Variants in NELL2 observed in about 807,000 individuals in gnomAD.
NELL2 encodes the protein protein kinase C-binding protein NELL2.
NELL2 carries 41 observed loss-of-function variants against 109.6 expected under a neutral mutation model. The observed-to-expected ratio is 0.37, with a 90% CI of 0.29 to 0.49. The LOEUF (loss-of-function observed/expected upper bound fraction) is 0.49, where lower values mean the gene tolerates loss of function less well. Ranked by LOEUF, NELL2 falls within the 20% of genes least tolerant of loss-of-function variation. The pLI is 0.98. For missense variants in NELL2, 900 were observed against 1,008.3 expected (o/e 0.89, Z 1.45); for synonymous variants, 355 against 344.7 (o/e 1.03, Z -0.33).
intron 12 of NELL2, among the ~76,000 whole-genome samples, chr12:44,693,730 T>C (rs1382706505): frequency 6.6e-6 from 1 of 152,204 alleles, no homozygotes; most frequent in East Asian, 1.9e-4. Flanking sequence ...TGAGCCCAGA[T>C]GAATAGCTAA....
chr12:44,721,239 C>G (rs1044864410), intron 9 of NELL2, among the ~76,000 whole-genome samples: 2 of 152,184 alleles, frequency 1.3e-5, no homozygotes, highest in African/African-American at 4.8e-5. Context: ...TTTTCTGTCA[C>G]TAGTCTTGTT....
At chr12:44,768,201 G>A (rs1426484645) in intron 9 of NELL2, among the ~76,000 whole-genome samples, 1 of 152,014 alleles carries the variant, frequency 6.6e-6, no homozygotes, top group Non-Finnish European at 1.5e-5. Flanking sequence ...AGGCTGCATT[G>A]TTAATTATTC....
intron 13 of NELL2, among the ~76,000 whole-genome samples, chr12:44,620,671 T>A (rs1946024453): frequency 6.6e-6 from 1 of 151,946 alleles, no homozygotes; most frequent in African/African-American, 2.4e-5. Flanking sequence ...CACCATAGAC[T>A]CCTCCCTCCC....
intron 15 of NELL2, among the ~76,000 whole-genome samples, chr12:44,549,413 T>G (rs1234550981): frequency 1.3e-5 from 2 of 152,166 alleles, no homozygotes; most frequent in African/African-American, 2.4e-5. Flanking sequence ...AGAAGGAGTT[T>G]GAGACTCTAA....
intron 1 of NELL2, among the ~76,000 whole-genome samples, chr12:44,904,609 T>A (rs1319370202): frequency 6.6e-6 from 1 of 152,130 alleles, no homozygotes; most frequent in Non-Finnish European, 1.5e-5. Context: ...CCAGTTACCC[T>A]CATTGAATTA....
intron 1 of NELL2, among the ~76,000 whole-genome samples, chr12:44,907,928 GA>G (rs1234377566): frequency 1.3e-5 from 2 of 152,178 alleles, no homozygotes; most frequent in Admixed American, 1.3e-4. Context: ...GCAGAAGGCA[GA>G]GTTTAGGCAC....
intron 13 of NELL2, among the ~76,000 whole-genome samples, chr12:44,636,016 A>T (rs1946624524): frequency 6.6e-6 from 1 of 152,060 alleles, no homozygotes; most frequent in South Asian, 2.1e-4. Flanking sequence ...TGTAAGTTGT[A>T]TTCCTAGGTA....
intron 13 of NELL2, among the ~76,000 whole-genome samples, chr12:44,649,080 C>T (rs1042144232): frequency 7.2e-5 from 11 of 151,964 alleles, no homozygotes; most frequent in Admixed American, 7.2e-4. Flanking sequence ...TGCCATCTTA[C>T]ATTTTCATAA....
chr12:44,751,517 T>G (rs984783551), intron 9 of NELL2, among the ~76,000 whole-genome samples: 4 of 152,186 alleles, frequency 2.6e-5, no homozygotes, highest in Non-Finnish European at 5.9e-5. Flanking sequence ...TCATTTCATT[T>G]TCAAAAAGCA....
intron 2 of NELL2, among the ~76,000 whole-genome samples, chr12:44,830,803 G>A (rs1205835523): frequency 6.6e-6 from 1 of 151,812 alleles, no homozygotes; most frequent in East Asian, 1.9e-4. Flanking sequence ...CAGTTTCCCA[G>A]CCTGGAACTC....
intron 2 of NELL2, among the ~76,000 whole-genome samples, chr12:44,872,983 A>G (rs545828921): frequency 7.9e-5 from 12 of 152,342 alleles, no homozygotes; most frequent in African/African-American, 2.9e-4. Flanking sequence ...TGCTATTAGC[A>G]AAGACCTTGC....
At chr12:44,831,604 TA>T (rs1943889745) in intron 2 of NELL2, among the ~76,000 whole-genome samples, 1 of 152,186 alleles carries the variant, frequency 6.6e-6, no homozygotes, top group Non-Finnish European at 1.5e-5. Context: ...TTCATTCCCC[TA>T]TATCCTTTTC....
At chr12:44,755,051 C>A (rs1940823161) in intron 9 of NELL2, among the ~76,000 whole-genome samples, 1 of 152,154 alleles carries the variant, frequency 6.6e-6, no homozygotes, top group African/African-American at 2.4e-5. Flanking sequence ...CATAACTACA[C>A]ACATCCCACC....
intron 1 of NELL2, among the ~76,000 whole-genome samples, chr12:44,910,749 C>G (rs985969623): frequency 1.3e-5 from 2 of 151,892 alleles, no homozygotes; most frequent in African/African-American, 4.8e-5. Flanking sequence ...AAATGTGGTA[C>G]ATATATATGT....
chr12:44,721,378 T>G (rs1411379187), intron 9 of NELL2, among the ~76,000 whole-genome samples: 1 of 152,200 alleles, frequency 6.6e-6, no homozygotes, highest in African/African-American at 2.4e-5. Context: ...AAATACAGTA[T>G]TTGTGTCAAT....
chr12:44,522,233 A>G (rs1941574438), intron 17 of NELL2, 57 bp from the exon 18 acceptor site: 2 of 1,308,656 alleles, frequency 1.5e-6, no homozygotes, highest in Non-Finnish European at 2.1e-6. Context: ...AGTAACACGC[A>G]CACACACACA....
At chr12:44,678,668 TG>T (rs1297848796) in intron 12 of NELL2, among the ~76,000 whole-genome samples, 2 of 152,138 alleles carry the variant, frequency 1.3e-5, no homozygotes, top group Non-Finnish European at 2.9e-5. Flanking sequence ...GAGTGGATTC[TG>T]TTGTTTGCAA....
chr12:44,797,833 C>A (rs1285589003), intron 3 of NELL2, among the ~76,000 whole-genome samples: 2 of 134,288 alleles, frequency 1.5e-5, no homozygotes, highest in Admixed American at 7.3e-5. Flanking sequence ...CTAGGAATTC[C>A]ATCCTAGATG....
chr12:44,769,359 C>T (rs1052094556), intron 9 of NELL2, among the ~76,000 whole-genome samples: 1 of 152,078 alleles, frequency 6.6e-6, no homozygotes, highest in African/African-American at 2.4e-5. Context: ...AGGCACTCAT[C>T]TTCATTAGTC....
Sources: gnomAD v4.1 joint callset for allele counts (sites outside exome capture counted in the v4.1 genomes callset) on GRCh38, gnomAD v4.1.1 for gene constraint, MANE v1.5 for transcripts, NCBI Gene and HGNC (gene_info 2026-07-23, HGNC 2026-07-21) for gene names.